The following EHBP1 variants were observed in gnomAD, a reference collection of about 807,000 sequenced individuals.
EHBP1 encodes EH domain binding protein 1, also known as EH domain-binding protein 1.
In EHBP1, 55 loss-of-function variants were observed where a neutral mutation model predicts 144.0. The observed-to-expected ratio is 0.38, with a 90% confidence interval of 0.31 to 0.48. The LOEUF is 0.48. Ranked by LOEUF, EHBP1 falls within the 20% of genes least tolerant of loss-of-function variation. The probability of loss-of-function intolerance (pLI) is 0.98; values close to 1 mark genes in which losing one functional copy is unlikely to be tolerated. For synonymous variants in EHBP1, 469 were observed against 472.7 expected, an observed-to-expected ratio of 0.99 and a Z score of 0.10; for missense variants, 1,200 against 1,364.2, an observed-to-expected ratio of 0.88 and a Z score of 1.90.
At position 62,995,054 on chromosome 2, in the gene EHBP1, TTGTC is replaced by T. The variant is rs1012896244; in HGVS notation, c.2979+1085_2979+1088del. Reference sequence around the variant, plus strand: ...ATCTTTGCAAACTACTATATTTGTTTTGTCTGTCTGTATGGGAATGAGAAAATAA... The same window carrying T: ...ATCTTTGCAAACTACTATATTTGTTTTGTCTGTATGGGAATGAGAAAATAA... On this transcript the variant is annotated intron_variant, in intron 18 of 22. Transcript: ENST00000431489. 9.2e-5 allele frequency among the ~76,000 whole-genome samples: 14 copies of T among 152,256 alleles called. No homozygotes were observed. In the East Asian group the frequency reaches 1.9e-3, roughly 21 times the overall value.
intron 19 of EHBP1, among the ~76,000 whole-genome samples, chr2:63,020,678 CTT>C (rs577103278): frequency 2.1e-5 from 3 of 145,024 alleles, no homozygotes; most frequent in African/African-American, 2.5e-5. Context: ...TTTTTTCTTT[CTT>C]TTTTTTTTTG....
At chr2:62,804,569 G>A (rs987697781) in intron 5 of EHBP1, among the ~76,000 whole-genome samples, 2 of 152,152 alleles carry the variant, frequency 1.3e-5, no homozygotes, top group Non-Finnish European at 2.9e-5. Context: ...AGATAGATTT[G>A]TTTACATAAA....
At chr2:62,952,018 A>G (rs748292816) in intron 13 of EHBP1, among the ~76,000 whole-genome samples, 4 of 152,206 alleles carry the variant, frequency 2.6e-5, no homozygotes, top group Middle Eastern at 3.2e-3. Context: ...TTTTCCATGT[A>G]TGTTAAATGA....
At chr2:62,932,852 G>A (rs745693567) in intron 10 of EHBP1, among the ~76,000 whole-genome samples, 8 of 151,548 alleles carry the variant, frequency 5.3e-5, no homozygotes, top group Admixed American at 2.6e-4. Flanking sequence ...TACTTCGGAG[G>A]CTGAGGAAGG....
intron 14 of EHBP1, among the ~76,000 whole-genome samples, chr2:62,958,070 C>A (rs1162972637): frequency 6.6e-6 from 1 of 152,064 alleles, no homozygotes; most frequent in Non-Finnish European, 1.5e-5. Context: ...CTGACAGTAA[C>A]AAGTGTGGAA....
intron 19 of EHBP1, among the ~76,000 whole-genome samples, chr2:63,005,025 A>T (rs1433826921): frequency 1.3e-5 from 2 of 152,074 alleles, no homozygotes; most frequent in Non-Finnish European, 2.9e-5. Context: ...TACACTAATA[A>T]TGAGTTGGCA....
intron 10 of EHBP1, among the ~76,000 whole-genome samples, chr2:62,884,149 A>G (rs545193168): frequency 6.6e-6 from 1 of 152,374 alleles, no homozygotes; most frequent in East Asian, 1.9e-4. Context: ...AGGAATCACA[A>G]GTAATAGTGA....
chr2:62,940,139 G>T, intron 10 of EHBP1: 1 of 409,260 alleles, frequency 2.4e-6, no homozygotes, highest in African/African-American at 2.1e-5. Context: ...AAACGCCTGT[G>T]GTAAAGGTTC....
intron 5 of EHBP1, among the ~76,000 whole-genome samples, chr2:62,789,158 T>C (rs1400914943): frequency 6.6e-6 from 1 of 152,220 alleles, no homozygotes; most frequent in East Asian, 1.9e-4. Context: ...GAGTAGTCTT[T>C]TGGCTGTTGC....
At chr2:62,776,410 T>C (rs1408142967) in intron 5 of EHBP1, among the ~76,000 whole-genome samples, 4 of 152,214 alleles carry the variant, frequency 2.6e-5, no homozygotes, top group Non-Finnish European at 5.9e-5. Flanking sequence ...TTGGAAATAA[T>C]GTATGTAAAG....
At chr2:62,858,467 G>A in intron 7 of EHBP1, 2 of 1,612,060 alleles carry the variant, frequency 1.2e-6, no homozygotes, top group Non-Finnish European at 1.7e-6. Context: ...ACTGCATAAA[G>A]CAAGCAAATA....
chr2:62,912,166 A>G (rs970613824), intron 10 of EHBP1, among the ~76,000 whole-genome samples: 1 of 152,186 alleles, frequency 6.6e-6, no homozygotes, highest in Admixed American at 6.5e-5. Flanking sequence ...GCTTTTCAAG[A>G]TAGTCATCAG....
chr2:62,945,103 A>G (rs2056988529), intron 12 of EHBP1, among the ~76,000 whole-genome samples: 1 of 152,240 alleles, frequency 6.6e-6, no homozygotes, highest in Non-Finnish European at 1.5e-5. Flanking sequence ...TAGAAATCAC[A>G]GATATTTTCG....
At chr2:62,804,810 A>G (rs954826962) in intron 5 of EHBP1, among the ~76,000 whole-genome samples, 1 of 152,184 alleles carries the variant, frequency 6.6e-6, no homozygotes, top group African/African-American at 2.4e-5. Context: ...CCTCCTGTCA[A>G]ATCAGTGGTG....
intron 5 of EHBP1, among the ~76,000 whole-genome samples, chr2:62,803,464 A>G (rs1308220678): frequency 1.3e-5 from 2 of 152,102 alleles, no homozygotes; most frequent in East Asian, 1.9e-4. Context: ...ACATTTCTTA[A>G]TTTTTGTCAC....
intron 1 of EHBP1, among the ~76,000 whole-genome samples, chr2:62,689,604 C>T (rs527464177): frequency 2.2e-4 from 33 of 152,160 alleles, no homozygotes; most frequent in African/African-American, 6.5e-4. Context: ...ACCGAGGTCT[C>T]GGAGATAACC....
chr2:62,877,739 G>T (rs188109452), intron 10 of EHBP1, among the ~76,000 whole-genome samples: 76 of 152,214 alleles, frequency 5.0e-4, no homozygotes, highest in African/African-American at 1.8e-3. Context: ...AATGACTTTT[G>T]GGTAAACAAA....
chr2:62,985,280 A>C (rs1202898618), intron 15 of EHBP1, among the ~76,000 whole-genome samples: 6 of 152,134 alleles, frequency 3.9e-5, no homozygotes, highest in Non-Finnish European at 7.4e-5. Context: ...TCCCTAGACC[A>C]CTTTTGCTTT....
chr2:62,942,222 C>T (rs1460157286), intron 10 of EHBP1, among the ~76,000 whole-genome samples: 2 of 152,184 alleles, frequency 1.3e-5, no homozygotes, highest in Admixed American at 6.5e-5. Context: ...TATCATTGTG[C>T]TATTTACTTA....
Sources: gnomAD v4.1 joint callset for allele counts (sites outside exome capture counted in the v4.1 genomes callset) on GRCh38, gnomAD v4.1.1 for gene constraint, MANE v1.5 for transcripts, NCBI Gene and HGNC (gene_info 2026-07-23, HGNC 2026-07-21) for gene names.